Variants in IL22RA2 observed in about 807,000 individuals in gnomAD.
IL22RA2 encodes interleukin-22 receptor subunit alpha-2.
A neutral mutation model predicts 30.7 loss-of-function variants in IL22RA2; 39 were observed. The ratio of observed to expected loss-of-function variants is 1.27; its 90% CI spans 0.98 to 1.66. The LOEUF (loss-of-function observed/expected upper bound fraction) is 1.66, where lower values mean the gene tolerates loss of function less well. Ranked by LOEUF, IL22RA2 falls within the 40% of genes most tolerant of loss-of-function variation. The pLI is 0.00. For synonymous variants in IL22RA2, 103 were observed against 105.0 expected (o/e 0.98, Z 0.11); for missense variants, 315 against 312.7 (o/e 1.01, Z -0.05).
rs28741382 is a variant in IL22RA2 at position 137,167,429 on chromosome 6, T to C, written c.-65-5615A>G. Among the ~76,000 whole-genome samples the C allele has an allele frequency of 8.0e-3, 1,213 of 152,260 alleles. 6 individuals carry two copies. Among genetic ancestry groups the C allele is most frequent in the Non-Finnish European group, 0.011 (780 of 68,002 alleles). On this transcript the variant is annotated intron_variant, in intron 1 of 6. Transcript: ENST00000296980. ...TCAGATAAACGGGGATTTAAAAAAT[T>C]GGGGAATTAACCTTAAGAAGGCAAA...
chr6:137,147,936 A>G, intron 5 of IL22RA2, 45 bp from the exon 6 acceptor site: 1 of 1,517,250 alleles, frequency 6.6e-7, no homozygotes, highest in East Asian at 2.3e-5. Flanking sequence ...AAAGGAATGT[A>G]TTATATACAG....
At chr6:137,172,644 C>T (rs977856474) in intron 1 of IL22RA2, among the ~76,000 whole-genome samples, 24 of 152,220 alleles carry the variant, frequency 1.6e-4, no homozygotes, top group South Asian at 4.1e-4. Context: ...TGCCCTCCCC[C>T]GACCTCGGCC....
intron 1 of IL22RA2, among the ~76,000 whole-genome samples, chr6:137,169,233 T>A (rs1017454453): frequency 6.6e-6 from 1 of 152,238 alleles, no homozygotes; most frequent in Non-Finnish European, 1.5e-5. Context: ...TTTTGAAGAA[T>A]CTGAGAACAG....
At chr6:137,162,918 G>A (rs1004333532) in intron 1 of IL22RA2, among the ~76,000 whole-genome samples, 1 of 152,156 alleles carries the variant, frequency 6.6e-6, no homozygotes, top group Non-Finnish European at 1.5e-5. Flanking sequence ...TAACCTAATA[G>A]TAGTAGTAGT....
intron 1 of IL22RA2, among the ~76,000 whole-genome samples, chr6:137,169,496 A>C (rs555038948): frequency 6.6e-6 from 1 of 152,346 alleles, no homozygotes; most frequent in African/African-American, 2.4e-5. Flanking sequence ...GATCTAAGCT[A>C]TCTGGTCTAT....
intron 2 of IL22RA2, 106 bp from the exon 3 acceptor site, chr6:137,158,588 G>T (rs563707552): frequency 1.7e-6 from 2 of 1,171,734 alleles, no homozygotes; most frequent in African/African-American, 1.5e-5. Context: ...TAAAGTAGTT[G>T]CTCTAAGTGC....
At chr6:137,166,115 C>T (rs927547124) in intron 1 of IL22RA2, among the ~76,000 whole-genome samples, 1 of 152,250 alleles carries the variant, frequency 6.6e-6, no homozygotes. Flanking sequence ...AAAAGACCCA[C>T]ATGTTAAATA....
At chr6:137,161,399 A>G (rs1181462844) in intron 2 of IL22RA2, among the ~76,000 whole-genome samples, 1 of 152,120 alleles carries the variant, frequency 6.6e-6, no homozygotes, top group African/African-American at 2.4e-5. Context: ...AGAGAAAGAA[A>G]GAGGGAGGGA....
intron 1 of IL22RA2, among the ~76,000 whole-genome samples, chr6:137,170,583 C>G (rs1778713879): frequency 6.6e-6 from 1 of 152,178 alleles, no homozygotes; most frequent in Non-Finnish European, 1.5e-5. Context: ...TCGATTCCCG[C>G]CTCACGTAGT....
intron 5 of IL22RA2, among the ~76,000 whole-genome samples, chr6:137,149,693 A>G (rs1428942232): frequency 6.6e-6 from 1 of 152,224 alleles, no homozygotes; most frequent in Admixed American, 6.5e-5. Context: ...CACAAGTCTG[A>G]TCATATGGCT....
intron 5 of IL22RA2, among the ~76,000 whole-genome samples, chr6:137,154,592 G>A (rs1778358158): frequency 6.6e-6 from 1 of 151,736 alleles, no homozygotes; most frequent in African/African-American, 2.4e-5. Context: ...TCCAGCCTGG[G>A]TGACAAAGCG....
At chr6:137,167,270 A>T (rs1167051528) in intron 1 of IL22RA2, among the ~76,000 whole-genome samples, 1 of 152,228 alleles carries the variant, frequency 6.6e-6, no homozygotes, top group Non-Finnish European at 1.5e-5. Flanking sequence ...CCGTTAAAAA[A>T]GTTTTGCCAT....
At chr6:137,150,734 G>A (rs911816427) in intron 5 of IL22RA2, among the ~76,000 whole-genome samples, 1 of 152,014 alleles carries the variant, frequency 6.6e-6, no homozygotes, top group African/African-American at 2.4e-5. Flanking sequence ...CCCTTCACTG[G>A]TGTTCATCAG....
At chr6:137,167,143 T>G (rs1169441732) in intron 1 of IL22RA2, among the ~76,000 whole-genome samples, 1 of 152,220 alleles carries the variant, frequency 6.6e-6, no homozygotes, top group Admixed American at 6.5e-5. Context: ...GCCCAGCATT[T>G]GTGGCAGAAA....
intron 2 of IL22RA2, among the ~76,000 whole-genome samples, chr6:137,158,992 G>C (rs1778466364): frequency 6.6e-6 from 1 of 152,154 alleles, no homozygotes; most frequent in African/African-American, 2.4e-5. Flanking sequence ...GTCTGCCTTT[G>C]CTGTCCCACT....
At chr6:137,160,532 T>A (rs575334749) in intron 2 of IL22RA2, among the ~76,000 whole-genome samples, 1 of 152,346 alleles carries the variant, frequency 6.6e-6, no homozygotes, top group Non-Finnish European at 1.5e-5. Flanking sequence ...GAGGAGCTAA[T>A]GAAAGAGGCA....
At chr6:137,157,564 C>T (rs1200357933) in intron 3 of IL22RA2, among the ~76,000 whole-genome samples, 3 of 152,108 alleles carry the variant, frequency 2.0e-5, no homozygotes, top group African/African-American at 7.2e-5. Context: ...ATAAAAATTG[C>T]TACTTTGGCC....
chr6:137,161,479 GC>G (rs973512840), intron 2 of IL22RA2, among the ~76,000 whole-genome samples: 4 of 152,178 alleles, frequency 2.6e-5, no homozygotes, highest in African/African-American at 9.7e-5. Flanking sequence ...CCTCTAGAGA[GC>G]CTTTTCTTTA....
intron 5 of IL22RA2, among the ~76,000 whole-genome samples, chr6:137,151,608 A>G (rs1778293165): frequency 6.6e-6 from 1 of 152,226 alleles, no homozygotes; most frequent in Non-Finnish European, 1.5e-5. Context: ...AAGAAAGTAA[A>G]AAGACAACTC....
Sources: gnomAD v4.1 joint callset for allele counts (sites outside exome capture counted in the v4.1 genomes callset) on GRCh38, gnomAD v4.1.1 for gene constraint, MANE v1.5 for transcripts, NCBI Gene and HGNC (gene_info 2026-07-23, HGNC 2026-07-21) for gene names.